FRMD4B: variants seen among roughly 807,000 people sequenced by gnomAD.
The protein encoded by FRMD4B is FERM domain containing 4B, also known as FERM domain-containing protein 4B.
In FRMD4B, 74 loss-of-function variants were observed where a neutral mutation model predicts 141.5. That is an observed-to-expected ratio of 0.52 (90% confidence interval 0.43 to 0.63). The LOEUF (loss-of-function observed/expected upper bound fraction) is 0.63, where lower values mean the gene tolerates loss of function less well. Ranked by LOEUF, FRMD4B falls within the 30% of genes least tolerant of loss-of-function variation. The probability of loss-of-function intolerance (pLI) is 0.00; values close to 1 mark genes in which losing one functional copy is unlikely to be tolerated. For missense variants in FRMD4B, 1,366 were observed against 1,253.4 expected (o/e 1.09, Z -1.36); for synonymous variants, 506 against 467.9 (o/e 1.08, Z -1.05).
intron 1 of FRMD4B, among the ~76,000 whole-genome samples, chr3:69,315,255 G>C (rs1290688532): frequency 6.6e-6 from 1 of 152,066 alleles, no homozygotes; most frequent in Admixed American, 6.6e-5. Flanking sequence ...AGAATGCCAA[G>C]ATACTCCTTG....
chr3:69,302,538 C>T (rs1008944152), intron 3 of FRMD4B, 103 bp from the exon 4 acceptor site: 8 of 723,782 alleles, frequency 1.1e-5, no homozygotes, highest in East Asian at 1.1e-4. Context: ...TCTCATACAC[C>T]GATGGTAGGA....
intron 1 of FRMD4B, among the ~76,000 whole-genome samples, chr3:69,518,748 T>C (rs1387214187): frequency 6.6e-6 from 1 of 152,154 alleles, no homozygotes; most frequent in Non-Finnish European, 1.5e-5. Flanking sequence ...GGAGCTATAA[T>C]GTTTAGGACT....
intron 5 of FRMD4B, among the ~76,000 whole-genome samples, chr3:69,270,986 G>C (rs2019272): frequency 6.6e-6 from 1 of 152,154 alleles, no homozygotes; most frequent in Non-Finnish European, 1.5e-5. Flanking sequence ...TTTATAAAAT[G>C]TTGTATTTTC....
At chr3:69,472,159 G>A (rs1476813505) in intron 1 of FRMD4B, 2 of 244,312 alleles carry the variant, frequency 8.2e-6, no homozygotes, top group Non-Finnish European at 1.8e-5. Flanking sequence ...AATTTCTAGA[G>A]TAACTTCACT....
chr3:69,176,983 CTATTAA>C (rs1419958899), intron 21 of FRMD4B, among the ~76,000 whole-genome samples: 1 of 151,988 alleles, frequency 6.6e-6, no homozygotes, highest in African/African-American at 2.4e-5. Context: ...CAGTAAATAA[CTATTAA>C]TATTATTATT....
At chr3:69,213,679 C>G (rs1295582953) in intron 11 of FRMD4B, among the ~76,000 whole-genome samples, 1 of 68,664 alleles carries the variant, frequency 1.5e-5, no homozygotes, top group Non-Finnish European at 3.1e-5. Flanking sequence ...TTTTTTTTTT[C>G]TGACACAAGG....
chr3:69,263,817 C>CTTTTTTTTTT (rs3032130), intron 5 of FRMD4B, among the ~76,000 whole-genome samples: 3 of 68,520 alleles, frequency 4.4e-5, no homozygotes, highest in African/African-American at 6.0e-5. Flanking sequence ...AACCCCATTC[C>CTTTTTTTTTT]TTTTTTTTTT....
At position 69,187,834 on chromosome 3, in the gene FRMD4B, T is replaced by C; in HGVS notation, c.1855A>G (p.Ile619Val). ...GACTTTCTGAAATGGATTCGCTCAA[T>C]ACCAAGAGACTTGGGGGGAAGAATT... is the stretch of plus-strand genomic sequence containing the variant. ...PRILPPKSLG[I>V]ERIHFRKSSI... The change falls in exon 19 of 23, where the codon ATT (isoleucine) becomes GTT (valine). Residue 619 changes from isoleucine to valine, a missense_variant. Ile to Val is a conservative substitution (Grantham distance 29, BLOSUM62 3). Transcript: ENST00000398540. 1 of 1,611,666 alleles carries C rather than the reference T, an allele frequency of 6.2e-7. No individual in the cohort carries two copies. Among genetic ancestry groups the C allele is most frequent in the African/African-American group, 1.3e-5 (1 of 74,944 alleles).
In FRMD4B at chr3:69,302,324, TG is replaced by T. The variant is rs1203850608; in HGVS notation, c.416+18del. 6 of 1,349,942 alleles carry T rather than the reference TG, an allele frequency of 4.4e-6. No homozygotes were observed. Among genetic ancestry groups the T allele is most frequent in the East Asian group, 2.3e-5 (1 of 43,546 alleles). 83.6% of individuals were successfully genotyped at this position (1,349,942 alleles called of 1,614,324 possible). A position where few individuals can be genotyped will look rare whatever the true frequency, so the allele number is the denominator to read the frequency against. Reference sequence around the variant, plus strand: ...ACAGCAAAAAAAGAGGGATGCTAACTGGGTCTGTGGATACATACCTCACAGC... The same window carrying T: ...ACAGCAAAAAAAGAGGGATGCTAACTGGTCTGTGGATACATACCTCACAGC... On this transcript the variant is annotated intron_variant, in intron 4 of 22. Coordinates refer to ENST00000398540, the MANE Select transcript of FRMD4B (RefSeq NM_015123.3).
At chr3:69,290,374 T>C (rs1381927117) in intron 4 of FRMD4B, among the ~76,000 whole-genome samples, 1 of 151,288 alleles carries the variant, frequency 6.6e-6, no homozygotes, top group African/African-American at 2.4e-5. Flanking sequence ...GGGACAAGAG[T>C]CCACAGCAGG....
intron 1 of FRMD4B, among the ~76,000 whole-genome samples, chr3:69,478,764 A>T (rs1193308296): frequency 6.6e-6 from 1 of 152,038 alleles, no homozygotes; most frequent in East Asian, 1.9e-4. Context: ...TATCCTTGTT[A>T]ACTTTCTGTC....
chr3:69,176,416 A>C, intron 22 of FRMD4B, 108 bp downstream of exon 22: 11 of 879,262 alleles, frequency 1.3e-5, no homozygotes, highest in Non-Finnish European at 1.8e-5. Context: ...CCCACAGGCT[A>C]GAGTTTGCCA....
chr3:69,362,543 G>A (rs1703499114), intron 1 of FRMD4B, among the ~76,000 whole-genome samples: 1 of 152,160 alleles, frequency 6.6e-6, no homozygotes, highest in South Asian at 2.1e-4. Context: ...TGGGCACGGT[G>A]GCGCATGCCT....
intron 18 of FRMD4B, among the ~76,000 whole-genome samples, chr3:69,188,194 A>G (rs1266773185): frequency 2.0e-5 from 3 of 152,214 alleles, no homozygotes; most frequent in African/African-American, 7.2e-5. Flanking sequence ...CTCAAGGGGA[A>G]TGGGTAATAC....
chr3:69,454,038 T>A (rs1381447825), intron 1 of FRMD4B, among the ~76,000 whole-genome samples: 3 of 152,058 alleles, frequency 2.0e-5, no homozygotes, highest in African/African-American at 7.2e-5. Context: ...GCCTATACCA[T>A]CCCACAGCCC....
At chr3:69,402,573 A>G (rs1704582978) in intron 2 of FRMD4B, among the ~76,000 whole-genome samples, 1 of 152,176 alleles carries the variant, frequency 6.6e-6, no homozygotes, top group Non-Finnish European at 1.5e-5. Context: ...TTATCTTTGT[A>G]TCCCAAAACC....
rs143186179 is a variant in FRMD4B at position 69,251,268 on chromosome 3, C to A, written c.502-1169G>T. 3.8e-3 allele frequency among the ~76,000 whole-genome samples: 577 copies of A among 152,276 alleles called. 2 individuals are homozygous for A. Among genetic ancestry groups the A allele is most frequent in the African/African-American group, 0.013 (557 of 41,572 alleles). On this transcript the variant is annotated intron_variant, in intron 5 of 22. Coordinates refer to ENST00000398540, the MANE Select transcript of FRMD4B (RefSeq NM_015123.3). ...ATTGCCCTGCATTCTTTCTTCCTCC[C>A]TTCCACCTCTTGAATCTGAGCTGGA... is the stretch of plus-strand genomic sequence containing the variant.
intron 1 of FRMD4B, among the ~76,000 whole-genome samples, chr3:69,446,924 C>A (rs994346369): frequency 1.3e-5 from 2 of 152,112 alleles, no homozygotes; most frequent in East Asian, 3.9e-4. Context: ...TAGGTAGTGA[C>A]TGCTGGAAGT....
At chr3:69,475,531 T>A (rs1705978293) in intron 1 of FRMD4B, among the ~76,000 whole-genome samples, 3 of 152,306 alleles carry the variant, frequency 2.0e-5, no homozygotes, top group Non-Finnish European at 2.9e-5. Context: ...ACAAACGACA[T>A]GAACTCATCA....
Sources: allele counts gnomAD v4.1 joint callset (sites outside exome capture counted in the v4.1 genomes callset), GRCh38; gene constraint gnomAD v4.1.1; transcripts MANE v1.5; gene names NCBI Gene and HGNC (gene_info 2026-07-23, HGNC 2026-07-21).